TMPRSS2: variants seen among roughly 807,000 people sequenced by gnomAD.
TMPRSS2 encodes transmembrane protease serine 2.
In TMPRSS2, 59 loss-of-function variants were observed where a neutral mutation model predicts 67.4. That is an observed-to-expected ratio of 0.88 (90% CI 0.71 to 1.09). TMPRSS2 has a LOEUF of 1.09. TMPRSS2 is among the 50% of genes least tolerant of loss of function. TMPRSS2 has a pLI of 0.00. For synonymous variants in TMPRSS2, 257 were observed against 257.0 expected (o/e 1.00, Z 0.00); for missense variants, 668 against 642.7 (o/e 1.04, Z -0.43).
chr21:41,489,673 T>C (rs2091321816), intron 3 of TMPRSS2, 80 bp from the exon 4 acceptor site: 6 of 864,014 alleles, frequency 6.9e-6, no homozygotes, highest in Non-Finnish European at 9.3e-6. Flanking sequence ...ATTATTTTTA[T>C]AGTACACCAC....
chr21:41,469,075 C>T (rs975373179), intron 11 of TMPRSS2, among the ~76,000 whole-genome samples: 2 of 152,140 alleles, frequency 1.3e-5, no homozygotes, highest in African/African-American at 4.8e-5. Flanking sequence ...TTCTGGGCAC[C>T]GTGGGCTTAG....
Position 41,464,905 on chromosome 21 carries a change from A to G in TMPRSS2, c.*1237T>C. On this transcript the variant is annotated 3_prime_UTR_variant, in exon 14 of 14. Transcript: ENST00000332149. ...AAACCAGCCTGCTTGGCCAGGAGGC[A>G]GAACCATGGTAGAGTAGTGCTCATG... is the stretch of plus-strand genomic sequence containing the variant. 1 of 233,370 alleles carries G rather than the reference A, an allele frequency of 4.3e-6. No homozygotes were observed. Among genetic ancestry groups the G allele is most frequent in the Non-Finnish European group, 8.5e-6 (1 of 118,074 alleles). The allele number at this position is 233,370 out of a possible 1,614,324, so 14.5% of individuals were successfully genotyped here.
intron 7 of TMPRSS2, 147 bp downstream of exon 7, chr21:41,479,025 C>T (rs2146449165): frequency 1.6e-6 from 1 of 625,402 alleles, no homozygotes; most frequent in East Asian, 2.7e-5. Context: ...GTAACCAGGC[C>T]TGGTCAGACT....
intron 8 of TMPRSS2, 34 bp downstream of exon 8, chr21:41,476,543 G>C (rs1297699505): frequency 1.2e-6 from 2 of 1,603,452 alleles, no homozygotes; most frequent in Admixed American, 3.3e-5. Flanking sequence ...TTCCTAGTTA[G>C]AAGTATCAAA....
intron 1 of TMPRSS2, among the ~76,000 whole-genome samples, chr21:41,499,233 C>T (rs538139969): frequency 4.0e-4 from 61 of 152,282 alleles, no homozygotes; most frequent in Admixed American, 1.8e-3. Context: ...AAGCTGTGGG[C>T]CATTTTGCTT....
intron 8 of TMPRSS2, 23 bp downstream of exon 8, chr21:41,476,554 A>G: frequency 6.2e-7 from 1 of 1,610,662 alleles, no homozygotes; most frequent in Non-Finnish European, 8.5e-7. Flanking sequence ...AAGTATCAAA[A>G]GGGGGACTCC....
In TMPRSS2 at chr21:41,484,217, C is replaced by T. The variant is rs528206157; in HGVS notation, c.446-3615G>A. Among the ~76,000 whole-genome samples, 10 of 152,326 alleles carry T rather than the reference C, an allele frequency of 6.6e-5. No individual in the cohort carries two copies. The South Asian group carries it at 1.7e-3, about 25-fold the overall frequency. ...ATAAAGCTAGTTAACATGTCCACCA[C>T]GTCACATAATTACCATTTTCTTTTC... On this transcript the variant is annotated intron_variant, in intron 5 of 13. Coordinates refer to ENST00000332149, the MANE Select transcript of TMPRSS2 (RefSeq NM_005656.4).
intron 1 of TMPRSS2, among the ~76,000 whole-genome samples, chr21:41,503,561 A>T (rs1399828617): frequency 6.6e-6 from 1 of 152,252 alleles, no homozygotes; most frequent in Non-Finnish European, 1.5e-5. Flanking sequence ...TTTATTCTGC[A>T]TACATCCAAA....
chr21:41,486,655 C>A (rs1385646663), intron 5 of TMPRSS2: 1 of 152,120 alleles, frequency 6.6e-6, no homozygotes, highest in Non-Finnish European at 1.5e-5. Flanking sequence ...TAAAGAGAAA[C>A]GAGCCAGCTC....
chr21:41,506,509 G>A (rs1160201838), intron 1 of TMPRSS2: 1 of 152,284 alleles, frequency 6.6e-6, no homozygotes, highest in African/African-American at 2.4e-5. Context: ...CAGTAAAGGT[G>A]GGGAAGTCCT....
chr21:41,491,151 ATTTTT>A (rs35598191), intron 3 of TMPRSS2, among the ~76,000 whole-genome samples: 22,087 of 106,650 alleles, frequency 0.21, 1,990 homozygotes, highest in African/African-American at 0.26. Flanking sequence ...TCTGCATTGC[ATTTTT>A]TTTTTTTTTT....
intron 1 of TMPRSS2, among the ~76,000 whole-genome samples, chr21:41,501,145 C>T (rs1267895239): frequency 1.3e-5 from 2 of 152,166 alleles, no homozygotes; most frequent in African/African-American, 4.8e-5. Context: ...GAAGGAACAC[C>T]GGGAGCCACC....
rs2146416077 is a variant in TMPRSS2, at chr21:41,466,065, G to A, written c.*77C>T. On this transcript the variant is annotated 3_prime_UTR_variant, in exon 14 of 14. Transcript: ENST00000332149. ...AGTGACCTCTGAATCATCTCTAAGA[G>A]TAAATCATGCACGGGGAAGCAAAAC... is the stretch of plus-strand genomic sequence containing the variant. 1 of 1,538,500 alleles carries A rather than the reference G, an allele frequency of 6.5e-7. No individual in the cohort carries two copies. Among genetic ancestry groups the A allele is most frequent in the South Asian group, 1.1e-5 (1 of 87,856 alleles).
Position 41,464,702 on chromosome 21 carries a change from A to G in TMPRSS2, c.*1440T>C, listed in dbSNP as rs2091070769. 1 of 233,344 alleles carries G rather than the reference A, an allele frequency of 4.3e-6. No homozygotes were observed. Among genetic ancestry groups the G allele is most frequent in the African/African-American group, 2.2e-5 (1 of 45,488 alleles). 14.5% of individuals were successfully genotyped at this position (233,344 alleles called of 1,614,324 possible). A position where few individuals can be genotyped will look rare whatever the true frequency, so the allele number is the denominator to read the frequency against. ...GAAGGAAGACGTTTTCACCATTACAACACCTTTTAGGATGTGTCTTGGGGA... is the reference window on the plus strand; with the variant it reads ...GAAGGAAGACGTTTTCACCATTACAGCACCTTTTAGGATGTGTCTTGGGGA... On this transcript the variant is annotated 3_prime_UTR_variant, in exon 14 of 14. Transcript: ENST00000332149.
At chr21:41,495,333 T>C (rs2091373259) in intron 2 of TMPRSS2, among the ~76,000 whole-genome samples, 1 of 151,802 alleles carries the variant, frequency 6.6e-6, no homozygotes, top group South Asian at 2.1e-4. Context: ...CATACAAAAA[T>C]ACAGATTTGG....
chr21:41,498,339 C>T (rs1278579027), intron 1 of TMPRSS2, 150 bp from the exon 2 acceptor site: 1 of 595,370 alleles, frequency 1.7e-6, no homozygotes, highest in South Asian at 2.1e-5. Flanking sequence ...ATCTTCACCA[C>T]TGCTTCCCCA....
At chr21:41,484,126 C>T (rs1601578101) in intron 5 of TMPRSS2, among the ~76,000 whole-genome samples, 2 of 152,196 alleles carry the variant, frequency 1.3e-5, no homozygotes, top group Admixed American at 1.3e-4. Flanking sequence ...CTCAAAAAAA[C>T]CCAATTGTAC....
chr21:41,483,630 C>T (rs2091274027), intron 5 of TMPRSS2, among the ~76,000 whole-genome samples: 1 of 152,032 alleles, frequency 6.6e-6, no homozygotes, highest in South Asian at 2.1e-4. Context: ...ACAAAACTGC[C>T]ACTGTGGCTC....
intron 1 of TMPRSS2, among the ~76,000 whole-genome samples, chr21:41,505,713 GGCGCCTTGTTTCCA>G (rs1569030575): frequency 6.6e-6 from 1 of 152,178 alleles, no homozygotes; most frequent in Non-Finnish European, 1.5e-5. Flanking sequence ...CAGGATTCCG[GGCGCCTTGTTTCCA>G]GCTTCCTTCC....
Sources: allele counts gnomAD v4.1 joint callset (sites outside exome capture counted in the v4.1 genomes callset), GRCh38; gene constraint gnomAD v4.1.1; transcripts MANE v1.5; gene names NCBI Gene and HGNC (gene_info 2026-07-23, HGNC 2026-07-21).